RBFOX1: variants seen among roughly 807,000 people sequenced by gnomAD.
The protein encoded by RBFOX1 is RNA binding fox-1 homolog 1.
In RBFOX1, 8 loss-of-function variants were observed where a neutral mutation model predicts 57.7. The observed-to-expected ratio is 0.14, with a 90% confidence interval of 0.08 to 0.25. The LOEUF (loss-of-function observed/expected upper bound fraction) is 0.25. RBFOX1 is among the 10% of genes least tolerant of loss of function. RBFOX1 has a pLI of 1.00. For missense variants in RBFOX1, 611 were observed against 548.5 expected (o/e 1.11, Z -1.14); for synonymous variants, 326 against 222.4 (o/e 1.47, Z -4.15).
chr16:5,484,718 C>G (rs368553166), intron 2 of RBFOX1, among the ~76,000 whole-genome samples: 84 of 151,872 alleles, frequency 5.5e-4, no homozygotes, highest in Middle Eastern at 6.8e-3. Context: ...CGAAACCATC[C>G]TGGCCAACAT....
intron 4 of RBFOX1, among the ~76,000 whole-genome samples, chr16:7,413,194 C>A (rs1351067563): frequency 6.6e-6 from 1 of 152,078 alleles, no homozygotes; most frequent in Non-Finnish European, 1.5e-5. Flanking sequence ...CAGCTTTTCC[C>A]AGGACACACC....
intron 3 of RBFOX1, among the ~76,000 whole-genome samples, chr16:5,649,387 C>T (rs1338778073): frequency 1.3e-5 from 2 of 152,092 alleles, no homozygotes; most frequent in South Asian, 4.1e-4. Context: ...CCAGGTTGGT[C>T]TTGAACTCCT....
chr16:5,837,590 T>A (rs552844304), intron 3 of RBFOX1, among the ~76,000 whole-genome samples: 2 of 146,124 alleles, frequency 1.4e-5, no homozygotes, highest in East Asian at 4.2e-4. Flanking sequence ...AGGGAAAGTC[T>A]TGATGCCAGC....
At chr16:6,040,297 C>G (rs1048892358) in intron 1 of RBFOX1, among the ~76,000 whole-genome samples, 2 of 152,172 alleles carry the variant, frequency 1.3e-5, no homozygotes, top group African/African-American at 4.8e-5. Context: ...CACTATCACC[C>G]GTCTCCAGAA....
chr16:7,177,017 C>A (rs959350349), intron 4 of RBFOX1, among the ~76,000 whole-genome samples: 1 of 152,156 alleles, frequency 6.6e-6, no homozygotes, highest in South Asian at 2.1e-4. Context: ...CATGAAGTCT[C>A]ATTGAGCACA....
At chr16:5,956,760 C>T (rs1415994065) in intron 4 of RBFOX1, among the ~76,000 whole-genome samples, 1 of 148,222 alleles carries the variant, frequency 6.7e-6, no homozygotes, top group African/African-American at 2.5e-5. Flanking sequence ...CCTAGACCTC[C>T]TGGGGCTCAG....
intron 4 of RBFOX1, among the ~76,000 whole-genome samples, chr16:7,180,801 C>T (rs1353721811): frequency 1.3e-5 from 2 of 151,206 alleles, no homozygotes; most frequent in East Asian, 1.9e-4. Flanking sequence ...TTATTTTAAG[C>T]ATCAAGGTTA....
intron 3 of RBFOX1, among the ~76,000 whole-genome samples, chr16:5,741,735 G>A (rs565283486): frequency 4.6e-5 from 7 of 152,286 alleles, no homozygotes; most frequent in Non-Finnish European, 1.0e-4. Context: ...ATTTGTAACA[G>A]CTTCCACAAG....
At chr16:5,424,988 C>CTTTCTT (rs1567490725) in intron 1 of RBFOX1, among the ~76,000 whole-genome samples, 7 of 75,276 alleles carry the variant, frequency 9.3e-5, no homozygotes, top group Admixed American at 4.1e-4. Context: ...CTTTTCTTTT[C>CTTTCTT]TTTTCTTTTC....
chr16:6,048,196 G>A (rs1226863944), intron 1 of RBFOX1, among the ~76,000 whole-genome samples: 1 of 152,200 alleles, frequency 6.6e-6, no homozygotes, highest in African/African-American at 2.4e-5. Context: ...ATTTGTTGAA[G>A]CTGGCTCAGG....
intron 2 of RBFOX1, among the ~76,000 whole-genome samples, chr16:6,572,627 CTG>C (rs1487475634): frequency 2.6e-5 from 4 of 151,858 alleles, no homozygotes; most frequent in Admixed American, 6.6e-5. Flanking sequence ...GAGTCTCACT[CTG>C]TCACCCAGGC....
intron 2 of RBFOX1, among the ~76,000 whole-genome samples, chr16:6,603,702 C>T (rs376453434): frequency 1.8e-4 from 27 of 152,298 alleles, no homozygotes; most frequent in African/African-American, 6.5e-4. Context: ...CAATCCTCTT[C>T]TTTCCCATGG....
chr16:5,323,016 C>T (rs756627542), intron 1 of RBFOX1, among the ~76,000 whole-genome samples: 19 of 152,158 alleles, frequency 1.2e-4, no homozygotes, highest in Admixed American at 4.6e-4. Flanking sequence ...ACTCCCCACT[C>T]CCTAGCTGGA....
chr16:6,741,346 A>AC (rs2072044495), intron 3 of RBFOX1, among the ~76,000 whole-genome samples: 2 of 152,262 alleles, frequency 1.3e-5, no homozygotes, highest in Admixed American at 6.5e-5. Flanking sequence ...GGTCTATAAA[A>AC]GAAAAAAATG....
At chr16:6,564,651 A>G (rs1599999106) in intron 2 of RBFOX1, among the ~76,000 whole-genome samples, 1 of 152,076 alleles carries the variant, frequency 6.6e-6, no homozygotes, top group East Asian at 1.9e-4. Context: ...GGGGTGGGGG[A>G]AATGGAGAGC....
intron 4 of RBFOX1, among the ~76,000 whole-genome samples, chr16:7,440,955 G>C (rs749338320): frequency 1.4e-4 from 22 of 152,048 alleles, no homozygotes; most frequent in Non-Finnish European, 2.9e-4. Flanking sequence ...GAGAGGATCA[G>C]TTAAGCCCGC....
At chr16:6,730,070 C>T (rs975832769) in intron 3 of RBFOX1, among the ~76,000 whole-genome samples, 2 of 152,078 alleles carry the variant, frequency 1.3e-5, no homozygotes, top group Non-Finnish European at 2.9e-5. Flanking sequence ...TTTATATATT[C>T]CCAGGCTGCC....
intron 4 of RBFOX1, among the ~76,000 whole-genome samples, chr16:7,134,947 A>G (rs2071511805): frequency 6.7e-6 from 1 of 149,384 alleles, no homozygotes; most frequent in Non-Finnish European, 1.5e-5. Flanking sequence ...TTCAATTTTG[A>G]TTAGCCGCGT....
chr16:6,857,295 G>A (rs2058085475), intron 3 of RBFOX1, among the ~76,000 whole-genome samples: 1 of 152,108 alleles, frequency 6.6e-6, no homozygotes, highest in South Asian at 2.1e-4. Context: ...GAATCCCAAA[G>A]AAGAAGTCAA....
Sources: gnomAD v4.1 joint callset for allele counts (sites outside exome capture counted in the v4.1 genomes callset) on GRCh38, gnomAD v4.1.1 for gene constraint, MANE v1.5 for transcripts, NCBI Gene and HGNC (gene_info 2026-07-23, HGNC 2026-07-21) for gene names.